DNAI1: variants seen among roughly 807,000 people sequenced by gnomAD.
The protein encoded by DNAI1 is dynein, axonemal, intermediate polypeptide 1.
DNAI1 carries 67 observed loss-of-function variants against 92.0 expected under a neutral mutation model. That is an observed-to-expected ratio of 0.73 (90% CI 0.60 to 0.89). The LOEUF is 0.89. Ranked by LOEUF, DNAI1 falls within the 40% of genes least tolerant of loss-of-function variation. DNAI1 has a pLI of 0.00. For synonymous variants in DNAI1, 323 were observed against 319.6 expected, an observed-to-expected ratio of 1.01 and a Z score of -0.11; for missense variants, 839 against 866.6, an observed-to-expected ratio of 0.97 and a Z score of 0.40.
intron 12 of DNAI1, among the ~76,000 whole-genome samples, chr9:34,505,172 A>G (rs1824900030): frequency 1.3e-5 from 2 of 152,198 alleles, no homozygotes; most frequent in African/African-American, 4.8e-5. Flanking sequence ...AGAAGTCCAA[A>G]ATAGGTTTCA....
Position 34,512,030 on chromosome 9 carries a change from TG to T in DNAI1, c.1312-74del. 2.8e-6 allele frequency: 4 copies of T among 1,411,062 alleles called. No homozygotes were observed. The South Asian group carries it at 4.6e-5, about 16-fold the overall frequency. 87.4% of individuals were successfully genotyped at this position (1,411,062 alleles called of 1,614,324 possible). A position where few individuals can be genotyped will look rare whatever the true frequency, so the allele number is the denominator to read the frequency against. On this transcript the variant is annotated intron_variant, in intron 13 of 19. Coordinates refer to ENST00000242317, the MANE Select transcript of DNAI1 (RefSeq NM_012144.4). The stretch of plus-strand genomic sequence containing the variant: ...TGCTTCTGAGCCTCAGATGGGTGCT[TG>T]GGGGAGCCCTGCTCTGCCCACAGCC...
intron 1 of DNAI1, among the ~76,000 whole-genome samples, chr9:34,471,201 TG>T (rs1824127562): frequency 6.8e-6 from 1 of 147,284 alleles, no homozygotes; most frequent in Non-Finnish European, 1.5e-5. Context: ...CTGAGGTGGA[TG>T]GATCACTTGA....
chr9:34,481,016 G>A (rs555701089), intron 1 of DNAI1, among the ~76,000 whole-genome samples: 5 of 152,286 alleles, frequency 3.3e-5, no homozygotes, highest in South Asian at 2.1e-4. Flanking sequence ...CAAGGCAGGC[G>A]GATCAACTGA....
intron 19 of DNAI1, among the ~76,000 whole-genome samples, chr9:34,518,179 G>T (rs965867258): frequency 6.6e-6 from 1 of 152,256 alleles, no homozygotes; most frequent in Non-Finnish European, 1.5e-5. Context: ...TAAGAGTAGA[G>T]ATGGCTCTTT....
Position 34,512,396 on chromosome 9 carries a change from TC to T in DNAI1, c.1463del (p.Pro488LeufsTer26), listed in dbSNP as rs2132081705. The T allele has an allele frequency of 6.2e-7, 1 of 1,614,108 alleles. No individual in the cohort carries two copies. The highest frequency in any genetic ancestry group is 1.1e-5 in the South Asian group (1 of 91,082). On this transcript the variant is annotated frameshift_variant, in exon 15 of 20. Transcript: ENST00000242317. LOFTEE classifies it high-confidence loss of function. ...AGGTGGAAGGCAGCACCACGGAAGTTCCTGAGGGGTTGCAGCTGCACCCAGT... is the reference window on the plus strand; with the variant it reads ...AGGTGGAAGGCAGCACCACGGAAGTTCTGAGGGGTTGCAGCTGCACCCAGT... ...LKVEGSTTEV[P>X]EGLQLHPVGC...
intron 4 of DNAI1, among the ~76,000 whole-genome samples, chr9:34,487,738 C>T (rs62559900): frequency 0.027 from 4,157 of 152,228 alleles, 80 homozygotes; most frequent in Non-Finnish European, 0.042. Flanking sequence ...TCTTGCCCCT[C>T]ATTTAGGAGC....
chr9:34,481,282 C>T (rs1163836051), intron 1 of DNAI1, among the ~76,000 whole-genome samples: 1 of 152,180 alleles, frequency 6.6e-6, no homozygotes, highest in African/African-American at 2.4e-5. Context: ...CTCTTTATTG[C>T]CTGGTACAGA....
At position 34,483,466 on chromosome 9, in the gene DNAI1, G is replaced by A. The variant is rs760444279; in HGVS notation, c.67G>A (p.Gly23Arg). The A allele has an allele frequency of 3.7e-6, 6 of 1,612,388 alleles. No homozygotes were observed. The highest frequency in any genetic ancestry group is 2.2e-5 in the South Asian group (2 of 91,044). The part of the protein sequence containing the change: ...PHKQSISIGR[G>R]TRKRDEDSGT... ...CATTTAGAGCATCAGCATAGGCAGA[G>A]GAACCAGGAAGAGAGTAAGTGCTGA... The change falls in exon 2 of 20, where the codon GGA becomes AGA. Residue 23 changes from glycine (G) to arginine (R), a missense_variant. Gly to Arg is a moderately radical substitution (Grantham distance 125). Coordinates refer to ENST00000242317, the MANE Select transcript of DNAI1 (RefSeq NM_012144.4).
intron 1 of DNAI1, among the ~76,000 whole-genome samples, chr9:34,461,848 C>G (rs1041616640): frequency 6.6e-6 from 1 of 152,062 alleles, no homozygotes; most frequent in African/African-American, 2.4e-5. Flanking sequence ...AGAAGTTGTC[C>G]CTGTCCTCTG....
rs377162688 is a variant in DNAI1, at chr9:34,490,386, T to C, written c.519T>C (p.Thr173=). The part of the protein sequence containing the change: ...VPAAGAAEKV[T]EEELMTPKQP... ...ATTTTCAGGCAGCTGAAAAAGTGAC[T>C]GAAGAAGAATTGATGACTCCTAAGC... The change falls in exon 7 of 20, where the codon ACT becomes ACC. Residue 173 remains threonine, a synonymous_variant. Transcript: ENST00000242317. 5 of 1,614,034 alleles carry C rather than the reference T, an allele frequency of 3.1e-6. No homozygotes were observed. In the African/African-American group the frequency reaches 6.7e-5, roughly 22 times the overall value.
In DNAI1 at chr9:34,489,433, C is replaced by T. The variant is rs765026554; in HGVS notation, c.372C>T (p.Arg124=). ...ATGAAGGACGGCGGCAGCATTACCG[C>T]GATGAATTAGTGGCAGGTAGGACTC... The part of the protein sequence containing the change: ...DSDEGRRQHY[R]DELVAGSQES... The change falls in exon 5 of 20, where the codon CGC becomes CGT. Residue 124 remains arginine, a synonymous_variant. Transcript: ENST00000242317. 2.9e-5 allele frequency: 46 copies of T among 1,613,696 alleles called. No individual in the cohort carries two copies. Among genetic ancestry groups the T allele is most frequent in the South Asian group, 2.2e-4 (20 of 91,070 alleles).
In DNAI1 at chr9:34,483,371, C is replaced by G. The variant is rs949916930; in HGVS notation, c.49-77C>G. 5 of 1,437,502 alleles carry G rather than the reference C, an allele frequency of 3.5e-6. No homozygotes were observed. The African/African-American group carries it at 7.0e-5, about 20-fold the overall frequency. The allele number at this position is 1,437,502 out of a possible 1,614,324, so 89.0% of individuals were successfully genotyped here. Reference sequence around the variant, plus strand: ...GACTGTGAGATCCCTGGGCAGGAGCCTCCCTGAAATACTGTTTATGATATT... The same window carrying G: ...GACTGTGAGATCCCTGGGCAGGAGCGTCCCTGAAATACTGTTTATGATATT... On this transcript the variant is annotated intron_variant, in intron 1 of 19. Transcript: ENST00000242317.
intron 18 of DNAI1, among the ~76,000 whole-genome samples, chr9:34,516,002 A>G (rs906656483): frequency 3.3e-5 from 5 of 152,230 alleles, no homozygotes; most frequent in African/African-American, 1.2e-4. Flanking sequence ...AAAAAAAGAA[A>G]AAGAAAAAAT....
intron 9 of DNAI1, among the ~76,000 whole-genome samples, chr9:34,496,140 AC>A (rs1488060371): frequency 6.6e-6 from 1 of 152,172 alleles, no homozygotes; most frequent in Non-Finnish European, 1.5e-5. Context: ...GCCCCCACTT[AC>A]CAGGAGGAGT....
Position 34,517,382 on chromosome 9 carries a change from T to G in DNAI1, c.1916T>G (p.Leu639Arg). The change falls in exon 19 of 20, where the codon CTC (leucine) becomes CGC (arginine). Residue 639 changes from leucine to arginine, a missense_variant. Transcript: ENST00000242317. ...KNRLTHVQFN[L>R]IHPIIIVGDD... is the part of the protein sequence containing the mutation. ...AGGCTCACCCACGTGCAGTTCAATC[T>G]CATCCACCCCATCATCATTGTGGGC... 2 of 1,614,172 alleles carry G rather than the reference T, an allele frequency of 1.2e-6. No homozygotes were observed. Among genetic ancestry groups the G allele is most frequent in the South Asian group, 2.2e-5 (2 of 91,082 alleles).
intron 1 of DNAI1, among the ~76,000 whole-genome samples, chr9:34,468,203 A>G (rs1357911140): frequency 6.6e-6 from 1 of 150,412 alleles, no homozygotes; most frequent in Non-Finnish European, 1.5e-5. Flanking sequence ...TTTTTTTGAG[A>G]TGGCGTCTCG....
intron 1 of DNAI1, among the ~76,000 whole-genome samples, chr9:34,480,381 G>T (rs558958237): frequency 6.8e-6 from 1 of 148,102 alleles, no homozygotes; most frequent in African/African-American, 2.5e-5. Flanking sequence ...GGGTTCAAGC[G>T]ATTTTCTTGC....
At chr9:34,519,868 C>A (rs888046562) in intron 19 of DNAI1, among the ~76,000 whole-genome samples, 4 of 152,200 alleles carry the variant, frequency 2.6e-5, no homozygotes, top group African/African-American at 9.7e-5. Context: ...CCCTCACCCC[C>A]CTGCCTGGAC....
intron 4 of DNAI1, among the ~76,000 whole-genome samples, chr9:34,487,508 C>T (rs562734117): frequency 4.2e-4 from 64 of 152,130 alleles, no homozygotes; most frequent in Non-Finnish European, 3.8e-4. Flanking sequence ...TTGAAAGGTG[C>T]TACTTGTGAG....
Sources: allele counts gnomAD v4.1 joint callset (sites outside exome capture counted in the v4.1 genomes callset), GRCh38; gene constraint gnomAD v4.1.1; transcripts MANE v1.5; gene names NCBI Gene and HGNC (gene_info 2026-07-23, HGNC 2026-07-21).